The following CCZ1 variants were observed in gnomAD, a reference collection of about 807,000 sequenced individuals.
CCZ1 encodes vacuolar fusion protein CCZ1 homolog.
CCZ1 carries 19 observed loss-of-function variants against 57.8 expected under a neutral mutation model. The ratio of observed to expected loss-of-function variants is 0.33; its 90% CI spans 0.23 to 0.48. The LOEUF is 0.48. Among genes scored for constraint, CCZ1 ranks in the 20% least tolerant of loss-of-function variants. CCZ1 has a pLI of 0.99. For synonymous variants in CCZ1, 81 were observed against 167.0 expected (o/e 0.49, Z 3.97); for missense variants, 200 against 492.0 (o/e 0.41, Z 5.61).
intron 7 of CCZ1, among the ~76,000 whole-genome samples, chr7:5,909,135 T>A (rs1781906147): frequency 6.8e-6 from 1 of 147,142 alleles, no homozygotes; most frequent in Non-Finnish European, 1.5e-5. Flanking sequence ...TCAAATGGCA[T>A]GTAAAATACA....
Position 5,909,614 on chromosome 7 carries a change from G to T in CCZ1, c.699-421G>T, listed in dbSNP as rs552545388. Among the ~76,000 whole-genome samples, 8 of 147,832 alleles carry T rather than the reference G, an allele frequency of 5.4e-5. 1 individual carries two copies. Among genetic ancestry groups the T allele is most frequent in the African/African-American group, 1.8e-4 (7 of 39,514 alleles). ...GTCTGGAGGCTGAGATGGGAGGACCGCTTGAGCCCTGGAGGCCAAGGCTGC... is the reference window on the plus strand; with the variant it reads ...GTCTGGAGGCTGAGATGGGAGGACCTCTTGAGCCCTGGAGGCCAAGGCTGC... On this transcript the variant is annotated intron_variant, in intron 7 of 14. Transcript: ENST00000325974.
intron 7 of CCZ1, among the ~76,000 whole-genome samples, chr7:5,907,279 T>C (rs1313585879): frequency 6.7e-6 from 1 of 149,412 alleles, no homozygotes; most frequent in Non-Finnish European, 1.5e-5. Context: ...TGCTGTGAAA[T>C]GTAGGAGATG....
intron 12 of CCZ1, among the ~76,000 whole-genome samples, chr7:5,920,380 A>G (rs28605290): frequency 0.28 from 29,807 of 106,906 alleles, 1,891 homozygotes; most frequent in Middle Eastern, 0.33. Context: ...TCAGTCTGGC[A>G]GCCTGAAGTG....
At chr7:5,911,542 G>A (rs1377855515) in intron 8 of CCZ1, among the ~76,000 whole-genome samples, 1 of 148,934 alleles carries the variant, frequency 6.7e-6, no homozygotes, top group Non-Finnish European at 1.5e-5. Context: ...TAATCTGCCT[G>A]CCTTGGCCTC....
chr7:5,903,857 T>G lies in CCZ1; in HGVS notation c.522+1113T>G, dbSNP rs962127692. Among the ~76,000 whole-genome samples the G allele has an allele frequency of 2.5e-4, 36 of 145,220 alleles. 3 individuals are homozygous for G. The highest frequency in any genetic ancestry group is 4.6e-4 in the Non-Finnish European group (31 of 67,348). ...AAAATACCAAAAAACTAGCTGGGCG[T>G]GGTGGCGCACGCCTGTAATCCCAGC... On this transcript the variant is annotated intron_variant, in intron 6 of 14. Transcript: ENST00000325974.
At chr7:5,902,366 A>T (rs2128610544) in intron 5 of CCZ1, 1 of 300,266 alleles carries the variant, frequency 3.3e-6, no homozygotes, top group South Asian at 5.2e-5. Context: ...AAAAATAAAA[A>T]AACAGAAATG....
Position 5,908,731 on chromosome 7 carries a change from C to T in CCZ1, c.699-1304C>T, listed in dbSNP as rs1781894589. On this transcript the variant is annotated intron_variant, in intron 7 of 14. Coordinates refer to ENST00000325974, the MANE Select transcript of CCZ1 (RefSeq NM_015622.6). ...AATAGAAAACGCCCAGATCCAGCCT[C>T]ATTGTCTGTCTCCTTTTAAAAAACC... 1.4e-5 allele frequency among the ~76,000 whole-genome samples: 2 copies of T among 144,026 alleles called. 1 individual carries two copies. The highest frequency in any genetic ancestry group is 4.9e-4 in the South Asian group (2 of 4,108). 94.5% of individuals were successfully genotyped at this position (144,026 alleles called of 152,430 possible). A position where few individuals can be genotyped will look rare whatever the true frequency, so the allele number is the denominator to read the frequency against.
chr7:5,912,371 C>T (rs1253679733), intron 9 of CCZ1, among the ~76,000 whole-genome samples: 1 of 121,804 alleles, frequency 8.2e-6, no homozygotes, highest in African/African-American at 3.1e-5. Flanking sequence ...CTTACTTCAG[C>T]ATACCCTTTT....
At position 5,911,863 on chromosome 7, in the gene CCZ1, A is replaced by G. The variant is rs374408335; in HGVS notation, c.783A>G (p.Leu261=). The G allele has an allele frequency of 6.4e-7, 1 of 1,571,398 alleles. No individual in the cohort carries two copies. The highest frequency in any genetic ancestry group is 8.7e-7 in the Non-Finnish European group (1 of 1,155,332). The part of the protein sequence containing the change: ...SLFPRHIEPE[L]AGRDSPIRAE... ...CTCAACATTAAATGTATTTGCAGTT[A>G]GCAGGAAGGGATTCTCCAATAAGAG... Residue 261 remains leucine, a splice_region_variant and synonymous_variant, in exon 9 of 15, where the codon TTA becomes TTG. Transcript: ENST00000325974.
chr7:5,903,955 C>A (rs1371060620), intron 6 of CCZ1, among the ~76,000 whole-genome samples: 2 of 140,142 alleles, frequency 1.4e-5, no homozygotes, highest in East Asian at 5.0e-4. Context: ...GATCACACCG[C>A]TGCACTCCAG....
At chr7:5,907,552 G>GC (rs1303099115) in intron 7 of CCZ1, among the ~76,000 whole-genome samples, 1 of 146,764 alleles carries the variant, frequency 6.8e-6, no homozygotes, top group Non-Finnish European at 1.5e-5. Context: ...AAGGCTTAGA[G>GC]CAGAGGGTCT....
chr7:5,912,024 G>A lies in CCZ1; in HGVS notation c.842+102G>A, dbSNP rs991760282. ...GCTGGAGAGCAGTGGCAAGATCTCC[G>A]CTCACTGCAACCTCCGCCTCCCCGG... On this transcript the variant is annotated intron_variant, in intron 9 of 14. Transcript: ENST00000325974. The A allele has an allele frequency of 2.3e-4, 361 of 1,576,392 alleles. 1 individual carries two copies. Among genetic ancestry groups the A allele is most frequent in the Non-Finnish European group, 3.0e-4 (349 of 1,164,800 alleles).
At chr7:5,903,789 C>A (rs1156811416) in intron 6 of CCZ1, among the ~76,000 whole-genome samples, 1 of 147,128 alleles carries the variant, frequency 6.8e-6, no homozygotes, top group Non-Finnish European at 1.5e-5. Flanking sequence ...GTCATGAGTT[C>A]GAGACCAGCC....
rs1211113638 is a variant in CCZ1, at chr7:5,898,898, C to G, written c.99C>G (p.Arg33=). 4.7e-5 allele frequency: 24 copies of G among 509,490 alleles called. No individual in the cohort carries two copies. The African/African-American group carries it at 5.7e-4, about 12-fold the overall frequency. 31.6% of individuals were successfully genotyped at this position (509,490 alleles called of 1,614,324 possible). The change falls in exon 1 of 15, where the codon CGC becomes CGG. Residue 33 remains arginine, a synonymous_variant. Coordinates refer to ENST00000325974, the MANE Select transcript of CCZ1 (RefSeq NM_015622.6). The stretch of plus-strand genomic sequence containing the variant: ...TGAGTTTCTTCATCTACAACCCGCG[C>G]TTCGGGCCGCGCGAAGGACAGGTAT... ...ALLSFFIYNP[R]FGPREGQEEN... is the part of the protein sequence containing the mutation.
At chr7:5,902,592 G>A (rs748914359) in intron 5 of CCZ1, 69 bp from the exon 6 acceptor site, 1 of 1,502,278 alleles carries the variant, frequency 6.7e-7, no homozygotes, top group Non-Finnish European at 8.8e-7. Flanking sequence ...AGGAAAAAAA[G>A]AACTTGTTAT....
rs1325252375 is a variant in CCZ1 at position 5,907,220 on chromosome 7, C to T, written c.698+1951C>T. Among the ~76,000 whole-genome samples, 2 of 149,510 alleles carry T rather than the reference C, an allele frequency of 1.3e-5. 1 individual carries two copies. Among genetic ancestry groups the T allele is most frequent in the African/African-American group, 5.0e-5 (2 of 40,398 alleles). ...GCAACCTTACACTGTACTGACTCAG[C>T]TATAGTTGCTTTCTGTGATATGTAC... is the stretch of plus-strand genomic sequence containing the variant. On this transcript the variant is annotated intron_variant, in intron 7 of 14. Transcript: ENST00000325974.
chr7:5,924,383 G>T (rs1364972986), intron 14 of CCZ1, among the ~76,000 whole-genome samples: 1 of 88,708 alleles, frequency 1.1e-5, no homozygotes, highest in East Asian at 2.2e-4. Flanking sequence ...TATCACCAAG[G>T]CATGTGTCAC....
rs373214845 is a variant in CCZ1 at position 5,902,651 on chromosome 7, A to G, written c.439-10A>G. The G allele has an allele frequency of 7.6e-6, 12 of 1,576,524 alleles. No individual in the cohort carries two copies. The highest frequency in any genetic ancestry group is 1.0e-5 in the Non-Finnish European group (12 of 1,171,326). ...CTGATTTTTTTTCCTGCAATCTTTT[A>G]CCTCACTAGCTTTTTAATGGTACAT... On this transcript the variant is annotated splice_polypyrimidine_tract_variant and intron_variant, in intron 5 of 14. Coordinates refer to ENST00000325974, the MANE Select transcript of CCZ1 (RefSeq NM_015622.6).
intron 9 of CCZ1, among the ~76,000 whole-genome samples, chr7:5,912,556 C>T (rs868209448): frequency 2.7e-5 from 4 of 146,214 alleles, no homozygotes; most frequent in Non-Finnish European, 6.0e-5. Flanking sequence ...CCCACCACCA[C>T]GACCAGCTAA....
Sources: allele counts gnomAD v4.1 joint callset (sites outside exome capture counted in the v4.1 genomes callset), GRCh38; gene constraint gnomAD v4.1.1; transcripts MANE v1.5; gene names NCBI Gene and HGNC (gene_info 2026-07-23, HGNC 2026-07-21).